Variants in PRELID2 observed in about 807,000 individuals in gnomAD.
The protein encoded by PRELID2 is PRELI domain containing 2, also known as PRELI domain-containing protein 2.
Under a neutral mutation model 28.4 loss-of-function variants are expected in PRELID2, and 25 were observed. That is an observed-to-expected ratio of 0.88 (90% CI 0.64 to 1.23). The LOEUF is 1.23. Among genes scored for constraint, PRELID2 ranks in the 50% most tolerant of loss-of-function variants. PRELID2 has a pLI of 0.00. For synonymous variants in PRELID2, 76 were observed against 71.6 expected (o/e 1.06, Z -0.31); for missense variants, 201 against 214.4 (o/e 0.94, Z 0.39).
At position 145,481,154 on chromosome 5, in the gene PRELID2, G is replaced by A. The variant is rs578235000; in HGVS notation, n.71-7839C>T. On this transcript the variant is annotated intron_variant and non_coding_transcript_variant, in intron 1 of 2. Coordinates refer to the PRELID2 transcript ENST00000510259. Reference sequence around the variant, plus strand: ...CTTTTCACCTAGAGCTTCTATAATCGTGCCAATTAGTATGAATTCCTCTTT... The same window carrying A: ...CTTTTCACCTAGAGCTTCTATAATCATGCCAATTAGTATGAATTCCTCTTT... Among the ~76,000 whole-genome samples the A allele has an allele frequency of 5.9e-5, 9 of 152,150 alleles. No individual in the cohort carries two copies. The South Asian group carries it at 1.0e-3, about 18-fold the overall frequency.
chr5:145,287,371 T>C, the PRELID2 span, among the ~76,000 whole-genome samples: 2 of 152,170 alleles, frequency 1.3e-5, no homozygotes, highest in East Asian at 1.9e-4. Flanking sequence ...AAATGTCTTA[T>C]TGTACTATTC....
chr5:145,556,666 A>T (rs1318420105), intron 1 of PRELID2, among the ~76,000 whole-genome samples: 1 of 152,142 alleles, frequency 6.6e-6, no homozygotes, highest in Non-Finnish European at 1.5e-5. Flanking sequence ...CATTTGGTAT[A>T]AAGATCAACA....
chr5:145,823,962 A>T (rs181342441), intron 1 of PRELID2, among the ~76,000 whole-genome samples: 2 of 152,212 alleles, frequency 1.3e-5, no homozygotes, highest in Non-Finnish European at 2.9e-5. Flanking sequence ...AATTTGCTCA[A>T]ATTGTCCAGC....
intron 4 of PRELID2, among the ~76,000 whole-genome samples, chr5:145,812,322 A>T (rs1754009376): frequency 6.6e-6 from 1 of 152,156 alleles, no homozygotes; most frequent in Admixed American, 6.5e-5. Context: ...AGAGCTATGG[A>T]AATACTGCCC....
intron 1 of PRELID2, among the ~76,000 whole-genome samples, chr5:145,602,881 G>A (rs1753416761): frequency 6.6e-6 from 1 of 151,912 alleles, no homozygotes; most frequent in South Asian, 2.1e-4. Context: ...GTGAAACCCC[G>A]TCTCTACTAA....
chr5:145,491,083 T>C (rs1752264667), intron 1 of PRELID2, among the ~76,000 whole-genome samples: 1 of 152,142 alleles, frequency 6.6e-6, no homozygotes. Context: ...ATTAAACTGA[T>C]AAGACTTAGG....
At chr5:145,634,991 CA>C (rs1158023854) in intron 1 of PRELID2, among the ~76,000 whole-genome samples, 2 of 152,146 alleles carry the variant, frequency 1.3e-5, no homozygotes, top group African/African-American at 4.8e-5. Flanking sequence ...ACCCATGCTC[CA>C]CACAGTCCTA....
chr5:145,691,938 C>T (rs1462247188), intron 1 of PRELID2, among the ~76,000 whole-genome samples: 2 of 152,012 alleles, frequency 1.3e-5, no homozygotes, highest in Non-Finnish European at 2.9e-5. Context: ...TGCCTTTGAC[C>T]ACCTTCTTCT....
intron 5 of PRELID2, among the ~76,000 whole-genome samples, chr5:145,773,907 C>A (rs2149785346): frequency 1.3e-5 from 2 of 152,348 alleles, no homozygotes; most frequent in Middle Eastern, 6.8e-3. Context: ...AATCTAACAG[C>A]TGCCCAGATA....
At chr5:145,717,199 A>C (rs768991810) in intron 1 of PRELID2, among the ~76,000 whole-genome samples, 2 of 152,146 alleles carry the variant, frequency 1.3e-5, no homozygotes, top group Non-Finnish European at 1.5e-5. Context: ...TTTCTCTGAA[A>C]TGTCTGGCCC....
intron 1 of PRELID2, among the ~76,000 whole-genome samples, chr5:145,733,154 C>G (rs1179210865): frequency 6.6e-6 from 1 of 151,646 alleles, no homozygotes; most frequent in African/African-American, 2.4e-5. Flanking sequence ...ACTCGCTACT[C>G]GAGAGGCTGA....
intron 5 of PRELID2, among the ~76,000 whole-genome samples, chr5:145,791,892 T>G (rs190757834): frequency 6.6e-6 from 1 of 152,288 alleles, no homozygotes; most frequent in Non-Finnish European, 1.5e-5. Flanking sequence ...GCTAACACAC[T>G]GTCAACCTGC....
intron 1 of PRELID2, among the ~76,000 whole-genome samples, chr5:145,606,593 C>T (rs977597802): frequency 6.6e-6 from 1 of 152,086 alleles, no homozygotes; most frequent in Non-Finnish European, 1.5e-5. Context: ...TTTGAACTAA[C>T]CTTGCATGCC....
the PRELID2 span, among the ~76,000 whole-genome samples, chr5:145,337,760 CACAT>C: frequency 2.5e-4 from 35 of 139,302 alleles, no homozygotes; most frequent in African/African-American, 8.8e-4. Flanking sequence ...CACACACACA[CACAT>C]ACACGTACAT....
chr5:145,657,812 G>C (rs1307192952), intron 1 of PRELID2, among the ~76,000 whole-genome samples: 3 of 152,122 alleles, frequency 2.0e-5, no homozygotes, highest in African/African-American at 7.2e-5. Context: ...TCTCCAAAAG[G>C]GAGACAAAGA....
chr5:145,757,728 G>T lies in PRELID2; in HGVS notation c.*2808C>A, dbSNP rs555021685. Among the ~76,000 whole-genome samples the T allele has an allele frequency of 1.1e-4, 17 of 151,192 alleles. No homozygotes were observed. The East Asian group carries it at 3.3e-3, about 30-fold the overall frequency. ...TGTAATCCCAGCACTTTGGGAGGCA[G>T]AGGCAGAGGCAGGAGGATCATTTGA... On this transcript the variant is annotated 3_prime_UTR_variant, in exon 7 of 7. Coordinates refer to ENST00000683046, the MANE Select transcript of PRELID2 (RefSeq NM_205846.3).
rs140820685 is a variant in PRELID2, at chr5:145,522,022, T to C, written n.71-48707A>G. 5.8e-3 allele frequency among the ~76,000 whole-genome samples: 888 copies of C among 152,338 alleles called. 2 individuals are homozygous for C. Among genetic ancestry groups the C allele is most frequent in the Non-Finnish European group, 9.5e-3 (646 of 68,032 alleles). ...TGCTGCTTTTCATTTCTTTAATTCA[T>C]TCATTTGTTGAGAAATTTTAAAAAT... On this transcript the variant is annotated intron_variant and non_coding_transcript_variant, in intron 1 of 2. Transcript: ENST00000510259.
intron 1 of PRELID2, among the ~76,000 whole-genome samples, chr5:145,691,560 AC>A (rs1011869468): frequency 1.4e-4 from 21 of 152,070 alleles, no homozygotes; most frequent in South Asian, 1.2e-3. Context: ...AAACAAACAA[AC>A]AAACAAAAAT....
chr5:145,603,572 C>T (rs957409193), intron 1 of PRELID2, among the ~76,000 whole-genome samples: 2 of 151,684 alleles, frequency 1.3e-5, no homozygotes, highest in African/African-American at 2.4e-5. Flanking sequence ...AGGGTGATCT[C>T]GGGCAGAAGA....
Sources: allele counts gnomAD v4.1 joint callset (sites outside exome capture counted in the v4.1 genomes callset), GRCh38; gene constraint gnomAD v4.1.1; transcripts MANE v1.5; gene names NCBI Gene and HGNC (gene_info 2026-07-23, HGNC 2026-07-21).